The following COL6A5 variants were observed in gnomAD, a reference collection of about 807,000 sequenced individuals.
COL6A5 encodes the protein collagen alpha-5(VI) chain.
Under a neutral mutation model 65.6 loss-of-function variants are expected in COL6A5, and 48 were observed. The observed-to-expected ratio is 0.73, with a 90% CI of 0.58 to 0.93. The LOEUF (loss-of-function observed/expected upper bound fraction) is 0.93. Among genes scored for constraint, COL6A5 ranks in the 40% least tolerant of loss-of-function variants. COL6A5 has a pLI of 0.00. For missense variants in COL6A5, 914 were observed against 928.3 expected, an observed-to-expected ratio of 0.98 and a Z score of 0.20; for synonymous variants, 291 against 322.8, an observed-to-expected ratio of 0.90 and a Z score of 1.05.
At chr3:130,429,645 C>G (rs1050676246), upstream of COL6A5, 3 of 1,427,334 alleles carry the variant, frequency 2.1e-6, no homozygotes, top group Non-Finnish European at 2.8e-6. Context: ...CCAACAAGAC[C>G]AATCTGAAAG....
intron 4 of COL6A5, among the ~76,000 whole-genome samples, chr3:130,449,644 A>C (rs1350187993): frequency 6.6e-6 from 1 of 152,180 alleles, no homozygotes; most frequent in African/African-American, 2.4e-5. Flanking sequence ...TTTTTCCTCG[A>C]ATGTGTATGG....
At chr3:130,431,017 A>G (rs1317815721), upstream of COL6A5, among the ~76,000 whole-genome samples, 1 of 152,118 alleles carries the variant, frequency 6.6e-6, no homozygotes, top group Non-Finnish European at 1.5e-5. Flanking sequence ...ATTTTGGGGG[A>G]GAGCAGATTT....
exon 25 of COL6A5, chr3:130,418,914 G>C: frequency 6.4e-7 from 1 of 1,550,778 alleles, no homozygotes; most frequent in Non-Finnish European, 8.7e-7. Context: ...GGGGCAAACT[G>C]GGCAGCGAGG....
chr3:130,440,954 C>T, intron 3 of COL6A5, 129 bp downstream of exon 35: 1 of 754,508 alleles, frequency 1.3e-6, no homozygotes, highest in Non-Finnish European at 2.1e-6. Context: ...GAGATAGGGG[C>T]AGGAATGGAT....
intron 8 of COL6A5, among the ~76,000 whole-genome samples, chr3:130,396,835 A>C (rs1317455191): frequency 6.6e-6 from 1 of 152,174 alleles, no homozygotes; most frequent in Non-Finnish European, 1.5e-5. Context: ...AAATAATCTG[A>C]AAAGACAGCA....
intron 23 of COL6A5, among the ~76,000 whole-genome samples, chr3:130,416,492 G>A (rs1937340998): frequency 6.6e-6 from 1 of 151,974 alleles, no homozygotes; most frequent in Admixed American, 6.6e-5. Flanking sequence ...TTGACTCAAG[G>A]GTGCCTTTTC....
exon 3 of COL6A5, chr3:130,376,713 A>T (rs768028937): frequency 1.1e-5 from 17 of 1,613,736 alleles, no homozygotes; most frequent in Non-Finnish European, 1.4e-5. Flanking sequence ...GGCCATGGCC[A>T]CATCCCATTT....
chr3:130,362,304 ATATATATATATATATATATATATTTTTT>A (rs1559857927), intron 1 of COL6A5, among the ~76,000 whole-genome samples: 37 of 7,600 alleles, frequency 4.9e-3, no homozygotes, highest in Non-Finnish European at 6.2e-3. Flanking sequence ...ATATATATAT[ATATATATATATATATATATATATTTTTT>A]TTTTTTTTTT....
chr3:130,474,217 T>C (rs995483870), intron 7 of COL6A5, among the ~76,000 whole-genome samples: 2 of 152,002 alleles, frequency 1.3e-5, no homozygotes, highest in Admixed American at 1.3e-4. Context: ...TGTACATGTA[T>C]GAGAAAGACC....
At chr3:130,436,651 A>G (rs1346338862) in intron 1 of COL6A5, among the ~76,000 whole-genome samples, 6 of 151,156 alleles carry the variant, frequency 4.0e-5, no homozygotes, top group Non-Finnish European at 8.9e-5. Flanking sequence ...TGCAGTATAC[A>G]ACATTGTTGA....
chr3:130,419,064 C>T (rs1937449017), intron 25 of COL6A5, 133 bp downstream of exon 25: 1 of 706,920 alleles, frequency 1.4e-6, no homozygotes, highest in Admixed American at 2.3e-5. Context: ...AATGTGAGAA[C>T]ATTTCTCCCA....
At chr3:130,479,405 AT>A (rs1389736329) in intron 7 of COL6A5, among the ~76,000 whole-genome samples, 25 of 142,784 alleles carry the variant, frequency 1.8e-4, no homozygotes, top group Admixed American at 1.3e-3. Flanking sequence ...GAGAGCAAGC[AT>A]TCTTTTATCA....
chr3:130,395,886 CGTGT>C (rs10590917), intron 8 of COL6A5, among the ~76,000 whole-genome samples: 34 of 150,262 alleles, frequency 2.3e-4, no homozygotes, highest in African/African-American at 7.3e-4. Context: ...GTAAGGGACT[CGTGT>C]GTGTGTGTGT....
intron 11 of COL6A5, 143 bp downstream of exon 11, chr3:130,401,316 AC>A: frequency 1.4e-6 from 1 of 699,524 alleles, no homozygotes; most frequent in South Asian, 2.5e-5. Flanking sequence ...AGTGTGGAAG[AC>A]CATAGCATAG....
chr3:130,444,578 A>G (rs1412955936), intron 4 of COL6A5, among the ~76,000 whole-genome samples: 1 of 152,112 alleles, frequency 6.6e-6, no homozygotes, highest in Non-Finnish European at 1.5e-5. Flanking sequence ...TTCTTTTTAT[A>G]TAAATGTGCC....
chr3:130,471,041 G>C, intron 7 of COL6A5, 74 bp downstream of exon 39: 1 of 1,057,368 alleles, frequency 9.5e-7, no homozygotes, highest in South Asian at 1.3e-5. Flanking sequence ...GAAATGAATA[G>C]CATTTTAGTT....
intron 17 of COL6A5, among the ~76,000 whole-genome samples, chr3:130,407,567 G>C (rs1168615826): frequency 3.3e-5 from 5 of 152,210 alleles, no homozygotes; most frequent in Non-Finnish European, 7.3e-5. Flanking sequence ...ATATGCTAAG[G>C]GTGTAGCGGG....
At position 130,445,328 on chromosome 3, in the gene COL6A5, G is replaced by A. The variant is rs1039626661; in HGVS notation, c.1332+1762G>A. Among the ~76,000 whole-genome samples, 68 of 152,186 alleles carry A rather than the reference G, an allele frequency of 4.5e-4. 1 individual carries two copies. The highest frequency in any genetic ancestry group is 9.0e-4 in the Non-Finnish European group (61 of 68,020). On this transcript the variant is annotated intron_variant, in intron 4 of 7. Transcript: ENST00000512836. ...GGAATCCAGATTCCTTCTCGAGCTC[G>A]AACCAACATTACACTTTTCCTGGAG...
intron 29 of COL6A5, among the ~76,000 whole-genome samples, chr3:130,424,231 GGTTAACTCCAGT>G (rs1385017370): frequency 2.6e-5 from 4 of 151,856 alleles, no homozygotes; most frequent in African/African-American, 9.7e-5. Flanking sequence ...AGTTAATATT[GGTTAACTCCAGT>G]GTTAACTCCA....
Sources: gnomAD v4.1 joint callset for allele counts (sites outside exome capture counted in the v4.1 genomes callset) on GRCh38, gnomAD v4.1.1 for gene constraint, MANE v1.5 for transcripts, NCBI Gene and HGNC (gene_info 2026-07-23, HGNC 2026-07-21) for gene names.